Variants in IFI27L1 observed in about 807,000 individuals in gnomAD.
IFI27L1 encodes the protein interferon alpha-inducible protein 27-like protein 1.
In IFI27L1, 3 loss-of-function variants were observed where a neutral mutation model predicts 9.2. The observed-to-expected ratio is 0.32, with a 90% CI of 0.15 to 0.84. The LOEUF (loss-of-function observed/expected upper bound fraction) is 0.84, where lower values mean the gene tolerates loss of function less well. Ranked by LOEUF, IFI27L1 falls within the 40% of genes least tolerant of loss-of-function variation. IFI27L1 has a pLI of 0.56. For missense variants in IFI27L1, 133 were observed against 134.2 expected, an observed-to-expected ratio of 0.99 and a Z score of 0.05; for synonymous variants, 53 against 50.0, an observed-to-expected ratio of 1.06 and a Z score of -0.26.
chr14:94,098,647 G>A (rs922579691), intron 2 of IFI27L1, among the ~76,000 whole-genome samples: 1 of 152,182 alleles, frequency 6.6e-6, no homozygotes, highest in African/African-American at 2.4e-5. Context: ...GAACGTTGAG[G>A]CCCGAGAGGG....
At chr14:94,097,515 G>T (rs557556860) in intron 2 of IFI27L1, 51 of 653,742 alleles carry the variant, frequency 7.8e-5, no homozygotes, top group South Asian at 7.5e-4. Context: ...GGCCTGAGCT[G>T]CTGAGAGGAT....
At position 94,102,606 on chromosome 14, in the gene IFI27L1, A is replaced by G; in HGVS notation, c.*38A>G. The G allele has an allele frequency of 1.6e-6, 2 of 1,263,094 alleles. No homozygotes were observed. The highest frequency in any genetic ancestry group is 2.2e-6 in the Non-Finnish European group (2 of 922,244). The allele number at this position is 1,263,094 out of a possible 1,614,324, so 78.2% of individuals were successfully genotyped here. ...GGCAGGGAGTTGGCTCTCTTGGTGG[A>G]GATGACTTTCCTGGGCCTCTGGATG... On this transcript the variant is annotated 3_prime_UTR_variant, in exon 5 of 5. Transcript: ENST00000555523.
chr14:94,091,541 G>A (rs2144311), intron 1 of IFI27L1, among the ~76,000 whole-genome samples: 44,121 of 151,972 alleles, frequency 0.29, 6,767 homozygotes, highest in East Asian at 0.5. Context: ...AGGAGACCTA[G>A]TATCTAAAAG....
Position 94,102,511 on chromosome 14 carries a change from C to G in IFI27L1, c.258C>G (p.Ile86Met), listed in dbSNP as rs565812135. The part of the protein sequence containing the change: ...AAGLSVTSKV[I>M]GGFAGTALGA... ...GACTCTCTGTGACATCTAAAGTTAT[C>G]GGGGGCTTTGCTGGGACAGCTCTTG... The change falls in exon 5 of 5, where the codon ATC (isoleucine) becomes ATG (methionine). Residue 86 changes from isoleucine to methionine, a missense_variant. Coordinates refer to ENST00000555523, the MANE Select transcript of IFI27L1 (RefSeq NM_206949.3). The G allele has an allele frequency of 6.9e-6, 11 of 1,593,972 alleles. No homozygotes were observed. Among genetic ancestry groups the G allele is most frequent in the African/African-American group, 2.7e-5 (2 of 73,828 alleles).
chr14:94,085,886 C>T (rs1886263233), intron 1 of IFI27L1, among the ~76,000 whole-genome samples: 1 of 152,174 alleles, frequency 6.6e-6, no homozygotes, highest in African/African-American at 2.4e-5. Flanking sequence ...TAAATGGGAG[C>T]CATTTTGGTA....
intron 2 of IFI27L1, chr14:94,100,226 G>T (rs1157191517): frequency 3.1e-5 from 30 of 974,976 alleles, no homozygotes; most frequent in Non-Finnish European, 3.7e-5. Flanking sequence ...AAAGCTTCAA[G>T]AAATGGCAGG....
At chr14:94,097,395 A>G in intron 2 of IFI27L1, 1 of 567,404 alleles carries the variant, frequency 1.8e-6, no homozygotes, top group Non-Finnish European at 3.1e-6. Flanking sequence ...CTCTTTTCAT[A>G]GGCATGTGTG....
intron 1 of IFI27L1, among the ~76,000 whole-genome samples, chr14:94,096,243 C>T (rs938170853): frequency 1.3e-5 from 2 of 152,130 alleles, no homozygotes; most frequent in African/African-American, 2.4e-5. Context: ...GGGTTTTAGG[C>T]AGATGGATGG....
At position 94,102,676 on chromosome 14, in the gene IFI27L1, G is replaced by A. The variant is rs945551233; in HGVS notation, c.*108G>A. 3.3e-5 allele frequency: 19 copies of A among 578,968 alleles called. No individual in the cohort carries two copies. Among genetic ancestry groups the A allele is most frequent in the Non-Finnish European group, 5.3e-5 (18 of 341,428 alleles). The allele number at this position is 578,968 out of a possible 1,614,324, so 35.9% of individuals were successfully genotyped here. ...GTCTCCTACTCCCAAAACTATTTAA[G>A]GAAGCATGAAAAATAAAGATGCTGG... On this transcript the variant is annotated 3_prime_UTR_variant, in exon 5 of 5. Transcript: ENST00000555523.
chr14:94,096,963 CAGGT>C lies in IFI27L1; in HGVS notation c.27_28+2del. On this transcript the variant is annotated splice_donor_variant and coding_sequence_variant, in exon 2 of 5. Transcript: ENST00000555523. LOFTEE classifies it high-confidence loss of function. ...ATGGGAAAGGAGAGTGGATGGGACT[CAGGT>C]GGGTACTGCACATGATTCTGGGGGC... The C allele has an allele frequency of 1.2e-6, 2 of 1,613,162 alleles. No individual in the cohort carries two copies. Among genetic ancestry groups the C allele is most frequent in the Non-Finnish European group, 1.7e-6 (2 of 1,179,460 alleles).
At chr14:94,081,636 C>T (rs1248898724) in intron 1 of IFI27L1, among the ~76,000 whole-genome samples, 187 bp downstream of exon 1, 2 of 152,150 alleles carry the variant, frequency 1.3e-5, no homozygotes, top group East Asian at 1.9e-4. Flanking sequence ...GGTAAGAGGA[C>T]GAACGCGTCC....
At chr14:94,098,545 A>G (rs1886761772) in intron 2 of IFI27L1, among the ~76,000 whole-genome samples, 1 of 152,344 alleles carries the variant, frequency 6.6e-6, no homozygotes, top group South Asian at 2.1e-4. Flanking sequence ...GGACTCGAAC[A>G]TATCTTTTCG....
intron 1 of IFI27L1, among the ~76,000 whole-genome samples, chr14:94,084,374 C>T (rs1486313831): frequency 1.3e-5 from 2 of 152,148 alleles, no homozygotes; most frequent in East Asian, 1.9e-4. Context: ...TGGTGGCATG[C>T]GCCCTTAGTC....
intron 1 of IFI27L1, among the ~76,000 whole-genome samples, chr14:94,091,551 GATTA>G: frequency 6.6e-6 from 1 of 152,260 alleles, no homozygotes; most frequent in South Asian, 2.1e-4. Flanking sequence ...GTATCTAAAA[GATTA>G]ATTAGGAGGT....
chr14:94,084,467 G>A (rs959182126), intron 1 of IFI27L1, among the ~76,000 whole-genome samples: 7 of 152,254 alleles, frequency 4.6e-5, no homozygotes, highest in East Asian at 1.9e-4. Context: ...ATGCTGCTGC[G>A]GGATAATTAA....
At chr14:94,087,530 C>T (rs968728775) in intron 1 of IFI27L1, among the ~76,000 whole-genome samples, 5 of 152,198 alleles carry the variant, frequency 3.3e-5, no homozygotes, top group African/African-American at 1.2e-4. Flanking sequence ...GGCTTCACGC[C>T]ATTCTCCTGC....
intron 3 of IFI27L1, 118 bp downstream of exon 3, chr14:94,100,889 G>A (rs969698007): frequency 1.3e-5 from 14 of 1,110,398 alleles, no homozygotes; most frequent in African/African-American, 7.7e-5. Context: ...GCTGGGTAGC[G>A]GTGGAGTGGG....
At chr14:94,095,763 C>G (rs779923751) in intron 1 of IFI27L1, among the ~76,000 whole-genome samples, 1 of 152,100 alleles carries the variant, frequency 6.6e-6, no homozygotes, top group Non-Finnish European at 1.5e-5. Flanking sequence ...AGGGATTTTC[C>G]CCCATGACCT....
intron 1 of IFI27L1, among the ~76,000 whole-genome samples, chr14:94,083,255 C>G (rs892566491): frequency 5.3e-5 from 8 of 152,194 alleles, no homozygotes; most frequent in Non-Finnish European, 1.2e-4. Context: ...TCGTGAGAAA[C>G]TTGAATGGAT....
Sources: gnomAD v4.1 joint callset for allele counts (sites outside exome capture counted in the v4.1 genomes callset) on GRCh38, gnomAD v4.1.1 for gene constraint, MANE v1.5 for transcripts, NCBI Gene and HGNC (gene_info 2026-07-23, HGNC 2026-07-21) for gene names.